Variants in VWA8 observed in about 807,000 individuals in gnomAD.
VWA8 encodes the protein von Willebrand factor A domain-containing protein 8.
A neutral mutation model predicts 241.5 loss-of-function variants in VWA8; 221 were observed. That is an observed-to-expected ratio of 0.91 (90% CI 0.82 to 1.02). The LOEUF (loss-of-function observed/expected upper bound fraction) is 1.02. Ranked by LOEUF, VWA8 falls within the 50% of genes least tolerant of loss-of-function variation. The pLI, the probability that VWA8 is intolerant of heterozygous loss-of-function variation, is 0.00. For missense variants in VWA8, 2,322 were observed against 2,328.7 expected (o/e 1.00, Z 0.06); for synonymous variants, 852 against 827.1 (o/e 1.03, Z -0.52).
At chr13:41,889,814 T>C (rs1053679770) in intron 5 of VWA8, among the ~76,000 whole-genome samples, 2 of 152,226 alleles carry the variant, frequency 1.3e-5, no homozygotes, top group African/African-American at 4.8e-5. Flanking sequence ...AAAAAAATGA[T>C]TCCATATTCT....
chr13:41,634,915 T>C (rs887596639), intron 37 of VWA8, among the ~76,000 whole-genome samples: 2 of 152,190 alleles, frequency 1.3e-5, no homozygotes, highest in African/African-American at 4.8e-5. Context: ...AGAAAATTTT[T>C]TTGAAAGGCA....
intron 39 of VWA8, among the ~76,000 whole-genome samples, chr13:41,607,762 T>G (rs895570960): frequency 1.3e-5 from 2 of 152,190 alleles, no homozygotes; most frequent in African/African-American, 4.8e-5. Flanking sequence ...TTACAGTTAG[T>G]TTAAGATGCT....
At chr13:41,907,727 A>G (rs1875792357) in intron 3 of VWA8, 31 bp from the exon 4 acceptor site, 1 of 1,579,016 alleles carries the variant, frequency 6.3e-7, no homozygotes, top group East Asian at 2.2e-5. Flanking sequence ...TTATTCCAAA[A>G]ATAAAATCAA....
chr13:41,787,639 C>CACACACA, intron 17 of VWA8, 96 bp from the exon 18 acceptor site: 16 of 755,172 alleles, frequency 2.1e-5, no homozygotes, highest in African/African-American at 8.8e-5. Flanking sequence ...CACACACACT[C>CACACACA]CTTACTAATT....
chr13:41,681,296 C>T (rs142559138), intron 35 of VWA8, among the ~76,000 whole-genome samples: 47 of 152,206 alleles, frequency 3.1e-4, no homozygotes, highest in African/African-American at 1.1e-3. Flanking sequence ...ATCTCTTTCC[C>T]TTACTACAAA....
At chr13:41,600,978 A>G (rs2044517583) in intron 40 of VWA8, among the ~76,000 whole-genome samples, 1 of 152,032 alleles carries the variant, frequency 6.6e-6, no homozygotes, top group Non-Finnish European at 1.5e-5. Flanking sequence ...TGTCTCTGAA[A>G]CTTTCTCCTC....
intron 34 of VWA8, among the ~76,000 whole-genome samples, chr13:41,688,920 G>A (rs2045156093): frequency 6.6e-6 from 1 of 152,024 alleles, no homozygotes; most frequent in South Asian, 2.1e-4. Flanking sequence ...ACAAACTCCT[G>A]TGACATGCAA....
At chr13:41,694,611 A>T (rs2045202952) in intron 29 of VWA8, among the ~76,000 whole-genome samples, 1 of 152,094 alleles carries the variant, frequency 6.6e-6, no homozygotes, top group African/African-American at 2.4e-5. Context: ...TATTTTTTGA[A>T]TGAGTACTTT....
chr13:41,689,058 T>G (rs1025740796), intron 34 of VWA8, among the ~76,000 whole-genome samples: 1 of 152,084 alleles, frequency 6.6e-6, no homozygotes, highest in African/African-American at 2.4e-5. Flanking sequence ...GACAGAAAAT[T>G]ACCATCAGAA....
At chr13:41,752,383 A>G (rs776952877) in intron 21 of VWA8, among the ~76,000 whole-genome samples, 3 of 152,168 alleles carry the variant, frequency 2.0e-5, no homozygotes, top group Non-Finnish European at 2.9e-5. Flanking sequence ...CACATGCTCT[A>G]TCATAGCTTA....
intron 19 of VWA8, among the ~76,000 whole-genome samples, chr13:41,779,183 T>C (rs971539810): frequency 4.1e-5 from 6 of 148,108 alleles, no homozygotes; most frequent in African/African-American, 1.2e-4. Flanking sequence ...TATATCTATA[T>C]TGTATAATAT....
At chr13:41,946,747 G>A (rs1419782873) in intron 2 of VWA8, among the ~76,000 whole-genome samples, 2 of 151,986 alleles carry the variant, frequency 1.3e-5, no homozygotes, top group Non-Finnish European at 2.9e-5. Flanking sequence ...TGGAACCTTG[G>A]GTTAGATGAA....
rs770225079 is a variant in VWA8, at chr13:41,611,628, C to T, written c.4825G>A (p.Glu1609Lys). The change falls in exon 39 of 45, where the codon GAA becomes AAA. Residue 1609 changes from glutamate (E) to lysine (K), a missense_variant. By Grantham distance (56) the Glu-to-Lys change is moderately conservative. Coordinates refer to ENST00000379310, the MANE Select transcript of VWA8 (RefSeq NM_015058.2). Reference protein sequence around the residue: ...VSQAEKDAVPEEVKRAAREMG... With the variant: ...VSQAEKDAVPKEVKRAAREMG... ...TCTCTAGCAGCTCTCTTGACCTCTT[C>T]GGGAACTGCATCTTTCTCAGCCTGA... The T allele has an allele frequency of 3.2e-5, 52 of 1,614,068 alleles. No homozygotes were observed. The highest frequency in any genetic ancestry group is 1.7e-4 in the Middle Eastern group (1 of 6,060).
intron 4 of VWA8, among the ~76,000 whole-genome samples, chr13:41,898,437 G>T (rs990395260): frequency 3.9e-5 from 6 of 152,240 alleles, no homozygotes; most frequent in African/African-American, 1.2e-4. Flanking sequence ...ACCCGGTGCT[G>T]ATTGGTGTGT....
chr13:41,572,152 A>G lies in VWA8; in HGVS notation c.5371-1446T>C, dbSNP rs565156862. Among the ~76,000 whole-genome samples the G allele has an allele frequency of 2.3e-3, 352 of 150,670 alleles. 5 individuals carry two copies. In the Middle Eastern group the frequency reaches 0.035, roughly 15 times the overall value. Reference sequence around the variant, plus strand: ...GAAGTGAGGAGCCCCTCCGCCTGGCAGCCGCCCCGTCCGGGAGGGAGGTGG... The same window carrying G: ...GAAGTGAGGAGCCCCTCCGCCTGGCGGCCGCCCCGTCCGGGAGGGAGGTGG... On this transcript the variant is annotated intron_variant, in intron 43 of 44. Transcript: ENST00000379310.
intron 29 of VWA8, among the ~76,000 whole-genome samples, chr13:41,696,931 C>A (rs879682608): frequency 1.3e-5 from 2 of 152,194 alleles, no homozygotes; most frequent in Non-Finnish European, 2.9e-5. Context: ...TTGGTGAGTT[C>A]TTTCAGTCTC....
chr13:41,932,817 CCTTAA>C (rs1877185092), intron 2 of VWA8, among the ~76,000 whole-genome samples: 1 of 151,964 alleles, frequency 6.6e-6, no homozygotes, highest in East Asian at 1.9e-4. Context: ...AAAAAAACGT[CCTTAA>C]CTTGATAAAG....
At chr13:41,759,982 G>A (rs1046603047) in intron 21 of VWA8, among the ~76,000 whole-genome samples, 2 of 151,654 alleles carry the variant, frequency 1.3e-5, no homozygotes, top group Non-Finnish European at 3.0e-5. Context: ...TAAATAGCAA[G>A]CATCCTTCTT....
chr13:41,770,674 A>G (rs543220401), intron 20 of VWA8, among the ~76,000 whole-genome samples: 1 of 151,980 alleles, frequency 6.6e-6, no homozygotes, highest in Non-Finnish European at 1.5e-5. Context: ...ATGAGTACCT[A>G]CAGACTCAGT....
Sources: allele counts gnomAD v4.1 joint callset (sites outside exome capture counted in the v4.1 genomes callset), GRCh38; gene constraint gnomAD v4.1.1; transcripts MANE v1.5; gene names NCBI Gene and HGNC (gene_info 2026-07-23, HGNC 2026-07-21).